Variants in SS18L1 observed in about 807,000 individuals in gnomAD.
SS18L1 encodes SS18L1 subunit of BAF chromatin remodeling complex, also known as calcium-responsive transactivator.
SS18L1 carries 32 observed loss-of-function variants against 70.3 expected under a neutral mutation model. That is an observed-to-expected ratio of 0.46 (90% confidence interval 0.34 to 0.61). The LOEUF (loss-of-function observed/expected upper bound fraction) is 0.61, where lower values mean the gene tolerates loss of function less well. SS18L1 is among the 20% of genes least tolerant of loss of function. The pLI is 0.01. For missense variants in SS18L1, 430 were observed against 542.1 expected, an observed-to-expected ratio of 0.79 and a Z score of 2.05; for synonymous variants, 237 against 229.7, an observed-to-expected ratio of 1.03 and a Z score of -0.29.
At position 62,164,259 on chromosome 20, in the gene SS18L1, G is replaced by C; in HGVS notation, c.823+13G>C. On this transcript the variant is annotated intron_variant, in intron 7 of 10. Transcript: ENST00000331758. ...TACTACCCCGACGGTGAGCACTGGCGGCGGCCTGACCCCGCCCAGGAACGC... is the reference window on the plus strand; with the variant it reads ...TACTACCCCGACGGTGAGCACTGGCCGCGGCCTGACCCCGCCCAGGAACGC... 1 of 1,544,054 alleles carries C rather than the reference G, an allele frequency of 6.5e-7. No homozygotes were observed. Among genetic ancestry groups the C allele is most frequent in the Admixed American group, 2.0e-5 (1 of 50,642 alleles).
rs2057279905 is a variant in SS18L1, at chr20:62,159,177, C to G, written c.146+429C>G. Among the ~76,000 whole-genome samples the G allele has an allele frequency of 6.6e-6, 1 of 152,250 alleles. No homozygotes were observed. On this transcript the variant is annotated intron_variant, in intron 2 of 10. Coordinates refer to ENST00000331758, the MANE Select transcript of SS18L1 (RefSeq NM_198935.3). This position sits in a 1 kb window ranked among gnomAD's most constrained non-coding sequence, Gnocchi z 4.4. Reference sequence around the variant, plus strand: ...CCTGGGCCAGCCTCTCTGGGCAGCTCTGTGGCCAACAGCCAGCGCACCAGG... The same window carrying G: ...CCTGGGCCAGCCTCTCTGGGCAGCTGTGTGGCCAACAGCCAGCGCACCAGG...
intron 1 of SS18L1, among the ~76,000 whole-genome samples, chr20:62,145,756 C>T (rs1053848248): frequency 6.6e-6 from 1 of 152,200 alleles, no homozygotes; most frequent in African/African-American, 2.4e-5. Flanking sequence ...GGCCAGCAGT[C>T]TGCGTATTGG....
chr20:62,148,247 AG>A, intron 1 of SS18L1, among the ~76,000 whole-genome samples: 1 of 152,056 alleles, frequency 6.6e-6, no homozygotes, highest in African/African-American at 2.4e-5. Context: ...GTCTTAGGTC[AG>A]GTGAGGGAGG....
chr20:62,151,380 C>T (rs1485364335), intron 1 of SS18L1, among the ~76,000 whole-genome samples: 1 of 152,240 alleles, frequency 6.6e-6, no homozygotes, highest in African/African-American at 2.4e-5. Context: ...TCTCTGCTCA[C>T]CCACATGGTC....
rs745921459 is a variant in SS18L1, at chr20:62,161,062, G to A, written c.232-374G>A. Among the ~76,000 whole-genome samples the A allele has an allele frequency of 6.6e-6, 1 of 151,844 alleles. No homozygotes were observed. The highest frequency in any genetic ancestry group is 1.5e-5 in the Non-Finnish European group (1 of 67,972). ...CCGAAGCTCTTGGCACGGAGGGGTC[G>A]TGGTTGGGGAGCACAGAGGCGCTGG... On this transcript the variant is annotated intron_variant, in intron 3 of 10. Coordinates refer to ENST00000331758, the MANE Select transcript of SS18L1 (RefSeq NM_198935.3). The surrounding 1 kb of genome is among the most constrained non-coding windows in gnomAD (Gnocchi z 4.4).
In SS18L1 at chr20:62,174,679, C is replaced by T. The variant is rs564880212; in HGVS notation, c.1164+35C>T. 3.6e-5 allele frequency: 58 copies of T among 1,613,060 alleles called. 2 individuals are homozygous for T. The South Asian group carries it at 4.1e-4, about 11-fold the overall frequency. On this transcript the variant is annotated intron_variant, in intron 10 of 10. Coordinates refer to ENST00000331758, the MANE Select transcript of SS18L1 (RefSeq NM_198935.3). The surrounding 1 kb of genome is among the most constrained non-coding windows in gnomAD (Gnocchi z 4.1). ...CTGGATGTTTCCAGATGTGCCCATC[C>T]GCCGCGCCTGTCGAGACATAATGAA...
At chr20:62,160,093 C>A in intron 3 of SS18L1, 132 bp downstream of exon 3, 1 of 909,406 alleles carries the variant, frequency 1.1e-6, no homozygotes, top group Non-Finnish European at 1.7e-6. Context: ...CTAGAGCCAC[C>A]AGAAATGGGA....
intron 8 of SS18L1, among the ~76,000 whole-genome samples, chr20:62,171,016 C>T (rs568744702): frequency 5.0e-4 from 76 of 152,110 alleles, no homozygotes; most frequent in Non-Finnish European, 5.3e-4. Flanking sequence ...ATTCTCCTGC[C>T]TCAGCCTCCC....
chr20:62,172,490 C>T (rs903905637), intron 8 of SS18L1, among the ~76,000 whole-genome samples, 192 bp from the exon 9 acceptor site: 1 of 148,388 alleles, frequency 6.7e-6, no homozygotes, highest in Non-Finnish European at 1.5e-5. Context: ...CATTTCGTTT[C>T]TTAGCTTTCC....
chr20:62,174,584 C>G lies in SS18L1; in HGVS notation c.1104C>G (p.Ser368Arg). ...YQQGQGQQYGSYRAPQTAPSA... is the reference protein window; with the variant it reads ...YQQGQGQQYGRYRAPQTAPSA... ...AAGGCCAAGGCCAGCAGTACGGAAG[C>G]TACCGAGCACCGCAGACAGCGCCGT... The change falls in exon 10 of 11, where the codon AGC (serine) becomes AGG (arginine). Residue 368 changes from serine to arginine, a missense_variant. By Grantham distance (110) the Ser-to-Arg change is moderately radical (BLOSUM62 -1). Transcript: ENST00000331758. The surrounding 1 kb of genome is among the most constrained non-coding windows in gnomAD (Gnocchi z 4.1). The G allele has an allele frequency of 6.2e-7, 1 of 1,613,880 alleles. No individual in the cohort carries two copies. The highest frequency in any genetic ancestry group is 8.5e-7 in the Non-Finnish European group (1 of 1,180,042).
In SS18L1 at chr20:62,163,560, G is replaced by A; in HGVS notation, c.659G>A (p.Gly220Asp). The part of the protein sequence containing the change: ...GQSSIAMMGQ[G>D]SQGSSMMGQR... ...TCGTCCATCGCCATGATGGGGCAGG[G>A]CAGCCAGGGGAGCAGCATGATGGGG... The change falls in exon 6 of 11, where the codon GGC becomes GAC. Residue 220 changes from glycine to aspartate, a missense_variant. Physicochemically the swap from Gly to Asp is moderately conservative, Grantham distance 94. Coordinates refer to ENST00000331758, the MANE Select transcript of SS18L1 (RefSeq NM_198935.3). 1 of 1,610,482 alleles carries A rather than the reference G, an allele frequency of 6.2e-7. No homozygotes were observed. Among genetic ancestry groups the A allele is most frequent in the Non-Finnish European group, 8.5e-7 (1 of 1,179,602 alleles).
intron 1 of SS18L1, among the ~76,000 whole-genome samples, chr20:62,157,710 G>A (rs1337351281): frequency 6.6e-6 from 1 of 152,188 alleles, no homozygotes; most frequent in Non-Finnish European, 1.5e-5. Flanking sequence ...GACACGGAAG[G>A]TTCAAGACGG....
At chr20:62,157,876 CTG>C (rs147250445) in intron 1 of SS18L1, among the ~76,000 whole-genome samples, 1 of 151,822 alleles carries the variant, frequency 6.6e-6, no homozygotes, top group South Asian at 2.1e-4. Context: ...CCACGCCGGC[CTG>C]TGTGTGTGTG....
chr20:62,172,093 G>T (rs1164203169), intron 8 of SS18L1, among the ~76,000 whole-genome samples: 1 of 151,960 alleles, frequency 6.6e-6, no homozygotes, highest in South Asian at 2.1e-4. Flanking sequence ...ACCCGGGTGG[G>T]GCGGAGCTTG....
At chr20:62,168,459 G>A (rs73137264) in intron 8 of SS18L1, among the ~76,000 whole-genome samples, 4,514 of 152,186 alleles carry the variant, frequency 0.03, 100 homozygotes, top group Non-Finnish European at 0.043. Flanking sequence ...CTGGGGGGAC[G>A]TTAGGAGGAA....
rs1015359008 is a variant in SS18L1, at chr20:62,174,879, G to A, written c.1164+235G>A. The A allele has an allele frequency of 4.9e-6, 7 of 1,415,240 alleles. No individual in the cohort carries two copies. The East Asian group carries it at 8.1e-5, about 16-fold the overall frequency. 87.7% of individuals were successfully genotyped at this position (1,415,240 alleles called of 1,614,324 possible). A position where few individuals can be genotyped will look rare whatever the true frequency, so the allele number is the denominator to read the frequency against. On this transcript the variant is annotated intron_variant, in intron 10 of 10. Coordinates refer to ENST00000331758, the MANE Select transcript of SS18L1 (RefSeq NM_198935.3). This position sits in a 1 kb window ranked among gnomAD's most constrained non-coding sequence, Gnocchi z 4.1. ...CCTAAGCTCACCGTTAGATCTGCAC[G>A]CCTGGTTCTCACATTCATTCACTCT...
Position 62,147,707 on chromosome 20 carries a change from C to T in SS18L1, c.69+3818C>T, listed in dbSNP as rs573651190. 1.2e-4 allele frequency among the ~76,000 whole-genome samples: 18 copies of T among 152,038 alleles called. No individual in the cohort carries two copies. The South Asian group carries it at 3.5e-3, about 30-fold the overall frequency. ...GGGATGGAGCTGAGAGGAGGTGGGC[C>T]CCTGGGGCCGCCTGCTGGGTGGGTT... On this transcript the variant is annotated intron_variant, in intron 1 of 10. Coordinates refer to ENST00000331758, the MANE Select transcript of SS18L1 (RefSeq NM_198935.3).
At chr20:62,172,531 A>G (rs987452482) in intron 8 of SS18L1, 151 bp from the exon 9 acceptor site, 5 of 1,084,160 alleles carry the variant, frequency 4.6e-6, no homozygotes, top group Admixed American at 2.2e-5. Flanking sequence ...AAGGTGTAGT[A>G]TAGTATTTGA....
In SS18L1 at chr20:62,158,768, C is replaced by G; in HGVS notation, c.146+20C>G. 1 of 1,612,968 alleles carries G rather than the reference C, an allele frequency of 6.2e-7. No homozygotes were observed. The highest frequency in any genetic ancestry group is 8.5e-7 in the Non-Finnish European group (1 of 1,179,988). On this transcript the variant is annotated intron_variant, in intron 2 of 10. Transcript: ENST00000331758. This position sits in a 1 kb window ranked among gnomAD's most constrained non-coding sequence, Gnocchi z 4.5. The stretch of plus-strand genomic sequence containing the variant: ...CACGCAGTGAGTGCCCGCCATACAC[C>G]GGAACACTTGGAGGGTGTCATGCAG...
Sources: gnomAD v4.1 joint callset for allele counts (sites outside exome capture counted in the v4.1 genomes callset) on GRCh38, gnomAD v4.1.1 for gene constraint, Gnocchi (gnomAD v3.1) non-coding constraint, MANE v1.5 for transcripts, NCBI Gene and HGNC (gene_info 2026-07-23, HGNC 2026-07-21) for gene names.